Variants in NR3C2 observed in about 807,000 individuals in gnomAD.
The protein encoded by NR3C2 is mineralocorticoid receptor.
In NR3C2, 15 loss-of-function variants were observed where a neutral mutation model predicts 86.4. That is an observed-to-expected ratio of 0.17 (90% CI 0.12 to 0.27). NR3C2 has a LOEUF of 0.27. Ranked by LOEUF, NR3C2 falls within the 10% of genes least tolerant of loss-of-function variation. The pLI, the probability that NR3C2 is intolerant of heterozygous loss-of-function variation, is 1.00. For synonymous variants in NR3C2, 458 were observed against 450.5 expected, an observed-to-expected ratio of 1.02 and a Z score of -0.21; for missense variants, 960 against 1,195.6, an observed-to-expected ratio of 0.80 and a Z score of 2.91.
Position 148,114,142 on chromosome 4 carries a change from A to G in NR3C2, c.2761T>C (p.Phe921Leu), listed in dbSNP as rs775539821. The G allele has an allele frequency of 6.2e-7, 1 of 1,613,586 alleles. No homozygotes were observed. Among genetic ancestry groups the G allele is most frequent in the East Asian group, 2.2e-5 (1 of 44,880 alleles). ...PNNSGQSWQR[F>L]YQLTKLLDSM... ...TCCAGCAGCTTGGTCAGTTGGTAGA[A>G]CCTCTGCCAGCTCTGCCCAGAATTG... is the stretch of plus-strand genomic sequence containing the variant. Residue 921 changes from phenylalanine to leucine, a missense_variant, in exon 8 of 9, where the codon TTC becomes CTC. Phe to Leu is a conservative substitution (Grantham distance 22, BLOSUM62 0). This residue lies in a region of NR3C2 where 151 missense variants were observed against 296.3 expected (regional missense o/e 0.51). Coordinates refer to ENST00000358102, the MANE Select transcript of NR3C2 (RefSeq NM_000901.5).
chr4:148,403,831 C>G (rs2126541119), intron 2 of NR3C2, among the ~76,000 whole-genome samples: 1 of 152,058 alleles, frequency 6.6e-6, no homozygotes, highest in East Asian at 1.9e-4. Context: ...GGAAGTAATA[C>G]CAAAAGTTTT....
At chr4:148,348,376 A>G (rs2149989717) in intron 2 of NR3C2, among the ~76,000 whole-genome samples, 1 of 152,274 alleles carries the variant, frequency 6.6e-6, no homozygotes, top group Admixed American at 6.5e-5. Context: ...CTATGAAGGC[A>G]AGGATTGTAT....
intron 3 of NR3C2, among the ~76,000 whole-genome samples, chr4:148,238,433 T>C (rs1738850705): frequency 6.6e-6 from 1 of 152,130 alleles, no homozygotes; most frequent in African/African-American, 2.4e-5. Flanking sequence ...GAAATGGACC[T>C]GAAGTAAGCT....
intron 2 of NR3C2, among the ~76,000 whole-genome samples, chr4:148,342,781 A>C (rs982022947): frequency 1.3e-5 from 2 of 151,566 alleles, no homozygotes; most frequent in African/African-American, 4.9e-5. Context: ...CCATTTTTAT[A>C]ACAGTAACAG....
In NR3C2 at chr4:148,088,279, A is replaced by T. The variant is rs187250961; in HGVS notation, c.2800-6780T>A. ...TATACTGTTTGTGGGAGTGCAAATT[A>T]GTTCAAGCATTGTGGAAGACAGTGT... On this transcript the variant is annotated intron_variant, in intron 8 of 8. Coordinates refer to ENST00000358102, the MANE Select transcript of NR3C2 (RefSeq NM_000901.5). Among the ~76,000 whole-genome samples, 56 of 152,350 alleles carry T rather than the reference A, an allele frequency of 3.7e-4. 1 individual carries two copies. Among genetic ancestry groups the T allele is most frequent in the African/African-American group, 1.0e-3 (43 of 41,582 alleles).
chr4:148,369,912 C>T lies in NR3C2; in HGVS notation c.1757+65192G>A, dbSNP rs930421561. Among the ~76,000 whole-genome samples, 19 of 152,294 alleles carry T rather than the reference C, an allele frequency of 1.2e-4. No individual in the cohort carries two copies. The Middle Eastern group carries it at 0.01, about 82-fold the overall frequency. On this transcript the variant is annotated intron_variant, in intron 2 of 8. Coordinates refer to ENST00000358102, the MANE Select transcript of NR3C2 (RefSeq NM_000901.5). ...AGTCTCTCCATATGCTGCAAAGAAC[C>T]GGGTGAAATTGATGGGCACTGAGGG...
chr4:148,243,279 T>C (rs1327930422), intron 3 of NR3C2, among the ~76,000 whole-genome samples: 4 of 152,126 alleles, frequency 2.6e-5, no homozygotes, highest in Non-Finnish European at 4.4e-5. Flanking sequence ...TCCTCTCCTG[T>C]TGGCCTCCCA....
intron 4 of NR3C2, among the ~76,000 whole-genome samples, chr4:148,160,356 T>C (rs1734600710): frequency 7.0e-6 from 1 of 142,100 alleles, no homozygotes; most frequent in African/African-American, 2.7e-5. Flanking sequence ...CACAAGAGCT[T>C]TGAAACATGA....
chr4:148,150,161 T>G (rs1034637215), intron 6 of NR3C2, among the ~76,000 whole-genome samples: 2 of 152,310 alleles, frequency 1.3e-5, no homozygotes, highest in Non-Finnish European at 2.9e-5. Flanking sequence ...TAACGGATGA[T>G]TGGATAAAAT....
At chr4:148,382,985 C>T (rs956788153) in intron 2 of NR3C2, among the ~76,000 whole-genome samples, 9 of 151,974 alleles carry the variant, frequency 5.9e-5, no homozygotes, top group African/African-American at 1.9e-4. Flanking sequence ...AGAGAAACCA[C>T]GGAAAATAAA....
intron 2 of NR3C2, among the ~76,000 whole-genome samples, chr4:148,349,953 T>C (rs1044300968): frequency 5.3e-5 from 8 of 152,186 alleles, no homozygotes; most frequent in South Asian, 2.1e-4. Flanking sequence ...TCAGTAAATA[T>C]GCAAAACAAG....
intron 7 of NR3C2, among the ~76,000 whole-genome samples, chr4:148,115,226 A>T (rs1217155331): frequency 6.6e-6 from 1 of 152,252 alleles, no homozygotes; most frequent in Non-Finnish European, 1.5e-5. Flanking sequence ...AATACTTTGA[A>T]ATTCAGGACT....
chr4:148,405,104 A>G (rs1329434751), intron 2 of NR3C2, among the ~76,000 whole-genome samples: 1 of 152,200 alleles, frequency 6.6e-6, no homozygotes, highest in African/African-American at 2.4e-5. Context: ...AACATCCAAA[A>G]AATCCAAAAT....
intron 8 of NR3C2, among the ~76,000 whole-genome samples, chr4:148,110,385 T>A (rs1731997636): frequency 6.6e-6 from 1 of 152,230 alleles, no homozygotes; most frequent in Non-Finnish European, 1.5e-5. Flanking sequence ...TGATCTACAG[T>A]CAAAGGTTCT....
At chr4:148,425,844 T>C (rs1272257569) in intron 2 of NR3C2, among the ~76,000 whole-genome samples, 1 of 152,196 alleles carries the variant, frequency 6.6e-6, no homozygotes, top group Non-Finnish European at 1.5e-5. Context: ...TATAGGGCCT[T>C]AGGCAAATCA....
At position 148,324,410 on chromosome 4, in the gene NR3C2, T is replaced by C. The variant is rs542465555; in HGVS notation, c.1758-64293A>G. 2.0e-5 allele frequency among the ~76,000 whole-genome samples: 3 copies of C among 151,988 alleles called. No individual in the cohort carries two copies. In the South Asian group the frequency reaches 6.3e-4, roughly 32 times the overall value. ...GTGTATGTGTCTGTATTGCACATTT[T>C]CTTCATCCATTCATCCACTGACCAA... On this transcript the variant is annotated intron_variant, in intron 2 of 8. Coordinates refer to ENST00000358102, the MANE Select transcript of NR3C2 (RefSeq NM_000901.5).
At position 148,435,802 on chromosome 4, in the gene NR3C2, A is replaced by G. The variant is rs1470298213; in HGVS notation, c.1059T>C (p.Ser353=). Residue 353 remains serine, a synonymous_variant, in exon 2 of 9, where the codon AGT becomes AGC. Transcript: ENST00000358102. ...GACTGGGAACCACATCCCGCAATGTACTGGATCCAGCAGAGGTGCCAGAAG... is the reference window on the plus strand; with the variant it reads ...GACTGGGAACCACATCCCGCAATGTGCTGGATCCAGCAGAGGTGCCAGAAG... ...YTASGTSAGS[S]TLRDVVPSPD... The G allele has an allele frequency of 6.2e-7, 1 of 1,614,200 alleles. No individual in the cohort carries two copies. Among genetic ancestry groups the G allele is most frequent in the Non-Finnish European group, 8.5e-7 (1 of 1,180,030 alleles).
chr4:148,436,669 G>T lies in NR3C2; in HGVS notation c.192C>A (p.Ser64Arg). 6.2e-7 allele frequency: 1 copy of T among 1,614,024 alleles called. No homozygotes were observed. Among genetic ancestry groups the T allele is most frequent in the Non-Finnish European group, 8.5e-7 (1 of 1,180,004 alleles). The change falls in exon 2 of 9, where the codon AGC becomes AGA. Residue 64 changes from serine to arginine, a missense_variant. By Grantham distance (110) the Ser-to-Arg change is moderately radical (BLOSUM62 -1). This residue lies in a region of NR3C2 where 680 missense variants were observed against 719.0 expected (regional missense o/e 0.95). Coordinates refer to ENST00000358102, the MANE Select transcript of NR3C2 (RefSeq NM_000901.5). ...AIPNNSTQGSSKEKQELLPCL... is the reference protein window; with the variant it reads ...AIPNNSTQGSRKEKQELLPCL... ...AAGGGAGTAGTTCTTGTTTTTCTTT[G>T]CTGCTTCCTTGAGTACTGTTGTTTG...
chr4:148,261,281 A>C (rs757552963), intron 2 of NR3C2, among the ~76,000 whole-genome samples: 548 of 38,370 alleles, frequency 0.014, 7 homozygotes, highest in East Asian at 0.038. Context: ...GCACTATGGT[A>C]AGCGCTATGG....
Sources: allele counts gnomAD v4.1 joint callset (sites outside exome capture counted in the v4.1 genomes callset), GRCh38; gene constraint gnomAD v4.1.1; regional missense constraint gnomAD v4.1.1; transcripts MANE v1.5; gene names NCBI Gene and HGNC (gene_info 2026-07-23, HGNC 2026-07-21).